Variants in IGFBP6 observed in about 807,000 individuals in gnomAD.
IGFBP6 encodes the protein insulin like growth factor binding protein 6.
Under a neutral mutation model 24.5 loss-of-function variants are expected in IGFBP6, and 24 were observed. That is an observed-to-expected ratio of 0.98 (90% CI 0.71 to 1.38). The LOEUF is 1.38. IGFBP6 is among the 40% of genes most tolerant of loss of function. The probability of loss-of-function intolerance (pLI) is 0.00; values close to 1 mark genes in which losing one functional copy is unlikely to be tolerated. For missense variants in IGFBP6, 331 were observed against 324.8 expected, an observed-to-expected ratio of 1.02 and a Z score of -0.15; for synonymous variants, 147 against 137.4, an observed-to-expected ratio of 1.07 and a Z score of -0.49.
In IGFBP6 at chr12:53,102,028, T is replaced by C. The variant is rs767441470; in HGVS notation, c.601-17T>C. 21 of 1,611,628 alleles carry C rather than the reference T, an allele frequency of 1.3e-5. No individual in the cohort carries two copies. The highest frequency in any genetic ancestry group is 1.5e-5 in the Non-Finnish European group (18 of 1,179,468). On this transcript the variant is annotated splice_polypyrimidine_tract_variant and intron_variant, in intron 3 of 3. Coordinates refer to ENST00000301464, the MANE Select transcript of IGFBP6 (RefSeq NM_002178.3). ...AGCCTCTGGCCTCACTCCTGACCTG[T>C]GTGCCTCTCTCTCCAGTGCCGCTCC... is the stretch of plus-strand genomic sequence containing the variant.
intron 1 of IGFBP6, 143 bp downstream of exon 1, chr12:53,098,194 G>C (rs1015053415): frequency 2.0e-6 from 2 of 1,004,856 alleles, no homozygotes; most frequent in Admixed American, 3.9e-5. Flanking sequence ...ACATTTGTGT[G>C]GGGGAGAAGG....
Position 53,097,746 on chromosome 12 carries a change from T to A in IGFBP6, c.29T>A (p.Leu10Gln), listed in dbSNP as rs969252229. 2 of 1,534,776 alleles carry A rather than the reference T, an allele frequency of 1.3e-6. No individual in the cohort carries two copies. Among genetic ancestry groups the A allele is most frequent in the Non-Finnish European group, 1.8e-6 (2 of 1,140,560 alleles). MTPHRLLPPLLLLLALLLAA... is the reference protein window; with the variant it reads MTPHRLLPPQLLLLALLLAA... ...ACCCCCCACAGGCTGCTGCCACCGCTGCTGCTGCTGCTAGCTCTGCTGCTC... is the reference window on the plus strand; with the variant it reads ...ACCCCCCACAGGCTGCTGCCACCGCAGCTGCTGCTGCTAGCTCTGCTGCTC... Residue 10 changes from leucine to glutamine, a missense_variant, in exon 1 of 4, where the codon CTG becomes CAG. Coordinates refer to ENST00000301464, the MANE Select transcript of IGFBP6 (RefSeq NM_002178.3).
At chr12:53,101,268 G>A (rs1459389036) in intron 3 of IGFBP6, 108 bp downstream of exon 3, 4 of 1,119,376 alleles carry the variant, frequency 3.6e-6, no homozygotes, top group African/African-American at 3.1e-5. Context: ...CCATCTTTAA[G>A]GATCTTCCAA....
rs767349329 is a variant in IGFBP6 at position 53,102,107 on chromosome 12, C to T, written c.663C>T (p.Ser221=). 1 of 1,613,460 alleles carries T rather than the reference C, an allele frequency of 6.2e-7. No homozygotes were observed. The highest frequency in any genetic ancestry group is 1.7e-5 in the Admixed American group (1 of 59,956). ...GGTGTGTGGATCGGATGGGCAAGTCCCTGCCAGGGTCTCCAGATGGCAATG... is the reference window on the plus strand; with the variant it reads ...GGTGTGTGGATCGGATGGGCAAGTCTCTGCCAGGGTCTCCAGATGGCAATG... ...PCWCVDRMGK[S]LPGSPDGNGS... The change falls in exon 4 of 4, where the codon TCC becomes TCT. Residue 221 remains serine, a synonymous_variant. Coordinates refer to ENST00000301464, the MANE Select transcript of IGFBP6 (RefSeq NM_002178.3).
intron 1 of IGFBP6, among the ~76,000 whole-genome samples, chr12:53,099,824 AGTT>A (rs1322948210): frequency 6.7e-6 from 1 of 149,496 alleles, no homozygotes; most frequent in Non-Finnish European, 1.5e-5. Context: ...AAAATTAAGT[AGTT>A]AATTTTTTTT....
intron 2 of IGFBP6, 58 bp from the exon 3 acceptor site, chr12:53,100,983 G>C: frequency 1.2e-6 from 2 of 1,606,096 alleles, no homozygotes; most frequent in Non-Finnish European, 8.5e-7. Context: ...TGGGCCAGAA[G>C]GTTGGAATGG....
Position 53,102,052 on chromosome 12 carries a change from C to T in IGFBP6, c.608C>T (p.Ser203Phe). Reference protein sequence around the residue: ...RGFYRKRQCRSSQGQRRGPCW... With the variant: ...RGFYRKRQCRFSQGQRRGPCW... Reference sequence around the variant, plus strand: ...GTGTGCCTCTCTCTCCAGTGCCGCTCCTCCCAGGGGCAGCGCCGAGGTCCC... The same window carrying T: ...GTGTGCCTCTCTCTCCAGTGCCGCTTCTCCCAGGGGCAGCGCCGAGGTCCC... Residue 203 changes from serine (S) to phenylalanine (F), a missense_variant, in exon 4 of 4, where the codon TCC becomes TTC. Transcript: ENST00000301464. The T allele has an allele frequency of 6.2e-7, 1 of 1,613,610 alleles. No homozygotes were observed. The highest frequency in any genetic ancestry group is 8.5e-7 in the Non-Finnish European group (1 of 1,179,974).
chr12:53,100,194 C>T (rs777609509), intron 1 of IGFBP6, among the ~76,000 whole-genome samples: 4 of 152,192 alleles, frequency 2.6e-5, no homozygotes, highest in East Asian at 1.9e-4. Context: ...GGGTCTCACT[C>T]GGTTGTCCAG....
At chr12:53,099,610 G>T (rs1236002766) in intron 1 of IGFBP6, among the ~76,000 whole-genome samples, 1 of 152,044 alleles carries the variant, frequency 6.6e-6, no homozygotes, top group African/African-American at 2.4e-5. Context: ...CTCCGGCTTC[G>T]TGCGCCCCCT....
chr12:53,100,688 C>T (rs771275860), intron 1 of IGFBP6, 24 bp from the exon 2 acceptor site: 29 of 1,613,414 alleles, frequency 1.8e-5, no homozygotes, highest in Non-Finnish European at 2.4e-5. Flanking sequence ...TTTCTGACCT[C>T]TCCTTCTCCT....
chr12:53,099,309 C>G (rs1002358473), intron 1 of IGFBP6: 1 of 455,842 alleles, frequency 2.2e-6, no homozygotes, highest in Non-Finnish European at 4.4e-6. Flanking sequence ...TCTCCAGAGC[C>G]AGGAGCAACC....
chr12:53,099,080 T>C lies in IGFBP6; in HGVS notation c.334+1029T>C, dbSNP rs9658607. On this transcript the variant is annotated intron_variant, in intron 1 of 3. Transcript: ENST00000301464. ...TGAGGAAGAAGGATCAGACTCAGGA[T>C]TGCAGGGGAAATGTCTCCTGGGTTG... 838 of 254,572 alleles carry C rather than the reference T, an allele frequency of 3.3e-3. 10 individuals are homozygous for C. Among genetic ancestry groups the C allele is most frequent in the African/African-American group, 0.017 (747 of 43,604 alleles). 15.8% of individuals were successfully genotyped at this position (254,572 alleles called of 1,614,324 possible).
intron 3 of IGFBP6, among the ~76,000 whole-genome samples, 185 bp from the exon 4 acceptor site, chr12:53,101,860 A>G (rs556410570): frequency 4.3e-5 from 6 of 139,190 alleles, no homozygotes; most frequent in Admixed American, 1.6e-4. Flanking sequence ...GATCATGCCA[A>G]TGCATTCCAG....
intron 2 of IGFBP6, 38 bp from the exon 3 acceptor site, chr12:53,101,003 C>G: frequency 1.9e-6 from 3 of 1,609,072 alleles, no homozygotes; most frequent in Non-Finnish European, 2.6e-6. Context: ...GGGAGCTGGG[C>G]TGGAGCGGTT....
Position 53,100,840 on chromosome 12 carries a change from G to A in IGFBP6, c.463G>A (p.Val155Ile), listed in dbSNP as rs1219618658. ...TTPSQPNSAG[V>I]QDTEMGPCRR... ...GCCCTCCCAGCCCAATTCTGCGGGTGTCCAAGACACTGAGATGGTGCGTTT... is the reference window on the plus strand; with the variant it reads ...GCCCTCCCAGCCCAATTCTGCGGGTATCCAAGACACTGAGATGGTGCGTTT... Residue 155 changes from valine (V) to isoleucine (I), a missense_variant, in exon 2 of 4, where the codon GTC becomes ATC. Physicochemically the swap from Val to Ile is conservative, Grantham distance 29 (BLOSUM62 3). Transcript: ENST00000301464. 1 of 1,614,208 alleles carries A rather than the reference G, an allele frequency of 6.2e-7. No individual in the cohort carries two copies. The highest frequency in any genetic ancestry group is 8.5e-7 in the Non-Finnish European group (1 of 1,180,052).
chr12:53,098,735 C>T (rs917475839), intron 1 of IGFBP6, among the ~76,000 whole-genome samples: 2 of 152,166 alleles, frequency 1.3e-5, no homozygotes, highest in East Asian at 3.9e-4. Flanking sequence ...CTACCCCACC[C>T]TGCTCCAGGG....
rs749327985 is a variant in IGFBP6 at position 53,102,203 on chromosome 12, G to A, written c.*36G>A. The A allele has an allele frequency of 8.7e-6, 14 of 1,610,782 alleles. No individual in the cohort carries two copies. In the South Asian group the frequency reaches 1.5e-4, roughly 18 times the overall value. ...TAGAGGGGCTGCAGGGCCACTGGAA[G>A]GAACATGGAGCTGTCATCACTCAAC... On this transcript the variant is annotated 3_prime_UTR_variant, in exon 4 of 4. Coordinates refer to ENST00000301464, the MANE Select transcript of IGFBP6 (RefSeq NM_002178.3).
chr12:53,098,048 G>C lies in IGFBP6; in HGVS notation c.331G>C (p.Ala111Pro). ...RGRCLPARAP[A>P]VAEENPKESK... ...CCGCTGCCTTCCGGCCCGCGCGCCT[G>C]CTGGTGAGTCCGCGCCCCGCCCCTG... The change falls in exon 1 of 4, where the codon GCT (alanine) becomes CCT (proline). Residue 111 changes from alanine (A) to proline (P), a missense_variant. Transcript: ENST00000301464. 6.9e-7 allele frequency: 1 copy of C among 1,449,208 alleles called. No individual in the cohort carries two copies. The highest frequency in any genetic ancestry group is 1.4e-5 in the South Asian group (1 of 70,164). The allele number at this position is 1,449,208 out of a possible 1,614,324, so 89.8% of individuals were successfully genotyped here.
chr12:53,100,099 A>C (rs959001331), intron 1 of IGFBP6, among the ~76,000 whole-genome samples: 3 of 152,178 alleles, frequency 2.0e-5, no homozygotes, highest in African/African-American at 4.8e-5. Flanking sequence ...ACCTCAAGTG[A>C]TCTGCCCACC....
Sources: gnomAD v4.1 joint callset for allele counts (sites outside exome capture counted in the v4.1 genomes callset) on GRCh38, gnomAD v4.1.1 for gene constraint, MANE v1.5 for transcripts, NCBI Gene and HGNC (gene_info 2026-07-23, HGNC 2026-07-21) for gene names.